COL27A1: variants seen among roughly 807,000 people sequenced by gnomAD.
COL27A1 encodes collagen type XXVII alpha 1 chain, also known as collagen alpha-1(XXVII) chain.
A neutral mutation model predicts 251.3 loss-of-function variants in COL27A1; 106 were observed. The observed-to-expected ratio is 0.42, with a 90% CI of 0.36 to 0.50. The LOEUF is 0.50. Among genes scored for constraint, COL27A1 ranks in the 20% least tolerant of loss-of-function variants. The pLI, the probability that COL27A1 is intolerant of heterozygous loss-of-function variation, is 0.00. For missense variants in COL27A1, 2,325 were observed against 2,522.8 expected, an observed-to-expected ratio of 0.92 and a Z score of 1.68; for synonymous variants, 1,000 against 986.3, an observed-to-expected ratio of 1.01 and a Z score of -0.26.
chr9:114,235,632 C>T lies in COL27A1; in HGVS notation c.2599C>T (p.Pro867Ser), dbSNP rs767106999. ...AGGGGTTCCAGGTGTGTCAGGAGAT[C>T]CCGGATTCCAAGGAGACAAGGTAAT... ...EQGVPGVSGD[P>S]GFQGDKGSQG... Residue 867 changes from proline (P) to serine (S), a missense_variant, in exon 17 of 61, where the codon CCC (proline) becomes TCC (serine). Coordinates refer to ENST00000356083, the MANE Select transcript of COL27A1 (RefSeq NM_032888.4). 6.2e-7 allele frequency: 1 copy of T among 1,613,644 alleles called. No individual in the cohort carries two copies. Among genetic ancestry groups the T allele is most frequent in the East Asian group, 2.2e-5 (1 of 44,878 alleles).
intron 15 of COL27A1, among the ~76,000 whole-genome samples, chr9:114,231,529 G>A (rs1369415123): frequency 6.6e-6 from 1 of 152,142 alleles, no homozygotes; most frequent in African/African-American, 2.4e-5. Context: ...TCCCAGGGGC[G>A]ACCAAATTTA....
intron 21 of COL27A1, 71 bp from the exon 22 acceptor site, chr9:114,242,116 G>T: frequency 7.3e-7 from 1 of 1,378,982 alleles, no homozygotes. Context: ...CCTCCATACA[G>T]GACAAGATCT....
In COL27A1 at chr9:114,282,569, G is replaced by A; in HGVS notation, c.3879+5G>A. The A allele has an allele frequency of 2.7e-6, 4 of 1,499,274 alleles. No individual in the cohort carries two copies. The highest frequency in any genetic ancestry group is 3.6e-6 in the Non-Finnish European group (4 of 1,123,448). The allele number at this position is 1,499,274 out of a possible 1,614,324, so 92.9% of individuals were successfully genotyped here. A position where few individuals can be genotyped will look rare whatever the true frequency, so the allele number is the denominator to read the frequency against. On this transcript the variant is annotated splice_donor_5th_base_variant and intron_variant, in intron 39 of 60. Transcript: ENST00000356083. ...CGGGGCAGCCTGGGACCAACGGTGA[G>A]GACTCTCTGGCTGGGGTGGGGGAGT...
chr9:114,228,670 A>G (rs757779425), intron 14 of COL27A1, among the ~76,000 whole-genome samples: 1 of 152,218 alleles, frequency 6.6e-6, no homozygotes, highest in Non-Finnish European at 1.5e-5. Flanking sequence ...ACTGATCTTC[A>G]TGGGCTGTGG....
In COL27A1 at chr9:114,247,164, T is replaced by C. The variant is rs1402460434; in HGVS notation, c.2979+1254T>C. On this transcript the variant is annotated intron_variant, in intron 24 of 60. Coordinates refer to ENST00000356083, the MANE Select transcript of COL27A1 (RefSeq NM_032888.4). ...AATATGTTAAAATATAATATATTCA[T>C]ATATATGCTTCTTTGGCAATGCATT... Among the ~76,000 whole-genome samples the C allele has an allele frequency of 2.0e-5, 3 of 152,226 alleles. No individual in the cohort carries two copies. In the East Asian group the frequency reaches 5.8e-4, roughly 29 times the overall value.
chr9:114,202,690 C>T, intron 7 of COL27A1, among the ~76,000 whole-genome samples: 1 of 152,160 alleles, frequency 6.6e-6, no homozygotes, highest in Admixed American at 6.5e-5. Flanking sequence ...TTCCTGTGTT[C>T]CCTCCAAGCC....
intron 3 of COL27A1, among the ~76,000 whole-genome samples, chr9:114,170,403 G>C (rs1384269721): frequency 1.3e-5 from 2 of 152,190 alleles, no homozygotes; most frequent in African/African-American, 4.8e-5. Context: ...TTTCCAGAAG[G>C]CTCAGGGCTC....
chr9:114,196,095 C>T (rs1176119294), intron 7 of COL27A1, 83 bp downstream of exon 7: 4 of 1,190,546 alleles, frequency 3.4e-6, no homozygotes, highest in Non-Finnish European at 5.0e-6. Context: ...TGTGGGCCCA[C>T]CTGCCTCTCC....
At chr9:114,203,261 C>T (rs1829699208) in intron 7 of COL27A1, among the ~76,000 whole-genome samples, 5 of 152,160 alleles carry the variant, frequency 3.3e-5, no homozygotes, top group Admixed American at 2.6e-4. Context: ...AAATGTTTAT[C>T]GAATGAATGA....
At chr9:114,291,757 AAAAT>A (rs1266825136) in intron 48 of COL27A1, among the ~76,000 whole-genome samples, 1 of 152,168 alleles carries the variant, frequency 6.6e-6, no homozygotes, top group Admixed American at 6.6e-5. Context: ...TAAAAAAATA[AAAAT>A]AAATAAATAA....
intron 24 of COL27A1, 105 bp downstream of exon 24, chr9:114,246,015 CA>C: frequency 1.0e-6 from 1 of 983,084 alleles, no homozygotes; most frequent in Non-Finnish European, 1.6e-6. Context: ...GTGTAATTCT[CA>C]GAACAACTCC....
At chr9:114,187,408 C>A (rs1028938050) in intron 5 of COL27A1, among the ~76,000 whole-genome samples, 7 of 152,260 alleles carry the variant, frequency 4.6e-5, no homozygotes, top group Admixed American at 3.9e-4. Flanking sequence ...TTTGAGCAAC[C>A]TTTGGGCCAG....
chr9:114,154,445 G>C (rs575417293), upstream of COL27A1, among the ~76,000 whole-genome samples: 6 of 145,916 alleles, frequency 4.1e-5, no homozygotes, highest in African/African-American at 1.5e-4. This position sits in a 1 kb window ranked among gnomAD's most constrained non-coding sequence, Gnocchi z 5.8. Flanking sequence ...AGGTGTGCGC[G>C]TATGGGGAGG....
chr9:114,161,590 A>G (rs1395508874), intron 1 of COL27A1, among the ~76,000 whole-genome samples: 2 of 152,194 alleles, frequency 1.3e-5, no homozygotes, highest in Non-Finnish European at 2.9e-5. Context: ...ACAGAAGCAC[A>G]CTATCCTAGC....
At chr9:114,297,276 C>T (rs182219686) in intron 49 of COL27A1, among the ~76,000 whole-genome samples, 2 of 152,208 alleles carry the variant, frequency 1.3e-5, no homozygotes, top group Non-Finnish European at 2.9e-5. Context: ...GTATAGGAGA[C>T]AGCCATCAGA....
intron 5 of COL27A1, among the ~76,000 whole-genome samples, chr9:114,183,920 C>T (rs891081848): frequency 2.0e-5 from 3 of 152,116 alleles, no homozygotes; most frequent in East Asian, 1.9e-4. Flanking sequence ...AGTCTGTTCC[C>T]GGAGCTCTGG....
intron 9 of COL27A1, 34 bp from the exon 10 acceptor site, chr9:114,206,217 CA>C (rs1829956357): frequency 6.8e-6 from 11 of 1,610,500 alleles, no homozygotes; most frequent in Admixed American, 1.7e-5. Flanking sequence ...AGAGCGTCTC[CA>C]TATGTCCTTG....
chr9:114,214,760 C>T (rs1588677490), intron 12 of COL27A1, among the ~76,000 whole-genome samples: 1 of 152,236 alleles, frequency 6.6e-6, no homozygotes, highest in Non-Finnish European at 1.5e-5. Flanking sequence ...CAGCTCTCAT[C>T]CCTCCTCATA....
At chr9:114,177,243 T>C (rs1001796085) in intron 3 of COL27A1, among the ~76,000 whole-genome samples, 10 of 152,214 alleles carry the variant, frequency 6.6e-5, no homozygotes, top group African/African-American at 2.2e-4. Context: ...GATCAGCTCA[T>C]CCTTCAGTAA....
Sources: gnomAD v4.1 joint callset for allele counts (sites outside exome capture counted in the v4.1 genomes callset) on GRCh38, gnomAD v4.1.1 for gene constraint, Gnocchi (gnomAD v3.1) non-coding constraint, MANE v1.5 for transcripts, NCBI Gene and HGNC (gene_info 2026-07-23, HGNC 2026-07-21) for gene names.